The following C12orf42 variants were observed in gnomAD, a reference collection of about 807,000 sequenced individuals.
C12orf42 encodes uncharacterized protein C12orf42.
Under a neutral mutation model 21.6 loss-of-function variants are expected in C12orf42, and 25 were observed. The observed-to-expected ratio is 1.16, with a 90% CI of 0.84 to 1.62. The LOEUF is 1.62. Ranked by LOEUF, C12orf42 falls within the 40% of genes most tolerant of loss-of-function variation. C12orf42 has a pLI of 0.00. For missense variants in C12orf42, 483 were observed against 459.3 expected (o/e 1.05, Z -0.47); for synonymous variants, 174 against 175.0 (o/e 0.99, Z 0.05).
chr12:103,427,212 C>G (rs1479049709), intron 2 of C12orf42, among the ~76,000 whole-genome samples: 1 of 150,870 alleles, frequency 6.6e-6, no homozygotes, highest in Non-Finnish European at 1.5e-5. Flanking sequence ...TTCAGAAACC[C>G]ATCTCACATG....
At chr12:103,546,091 G>GA in the C12orf42 span, among the ~76,000 whole-genome samples, 22 of 152,280 alleles carry the variant, frequency 1.4e-4, no homozygotes, top group African/African-American at 4.6e-4. Flanking sequence ...GTATCCTAGG[G>GA]AGATCTGATT....
upstream of C12orf42, among the ~76,000 whole-genome samples, chr12:103,498,346 T>C (rs1339023502): frequency 6.6e-6 from 1 of 152,218 alleles, no homozygotes; most frequent in African/African-American, 2.4e-5. Flanking sequence ...GCTCAATAAA[T>C]CGTTGTTGGA....
upstream of C12orf42, among the ~76,000 whole-genome samples, chr12:103,497,377 T>C (rs933096342): frequency 2.6e-5 from 4 of 152,340 alleles, no homozygotes; most frequent in Middle Eastern, 3.4e-3. Context: ...CATAGAATCA[T>C]GGCATCATTC....
the C12orf42 span, among the ~76,000 whole-genome samples, chr12:103,217,639 T>C: frequency 6.6e-6 from 1 of 152,284 alleles, no homozygotes; most frequent in South Asian, 2.1e-4. Context: ...CTCCCCATGC[T>C]GTGCCGGCTA....
At chr12:103,348,339 A>T (rs1414825065) in intron 4 of C12orf42, among the ~76,000 whole-genome samples, 1 of 152,206 alleles carries the variant, frequency 6.6e-6, no homozygotes, top group Non-Finnish European at 1.5e-5. Context: ...GACAAGGAAG[A>T]TCCTACCTTA....
At chr12:103,284,113 T>C (rs1486905180) in intron 4 of C12orf42, among the ~76,000 whole-genome samples, 1 of 152,186 alleles carries the variant, frequency 6.6e-6, no homozygotes, top group Non-Finnish European at 1.5e-5. Flanking sequence ...GTGTGACACC[T>C]GAGTGCTCCT....
chr12:103,303,658 A>G (rs765628330), intron 5 of C12orf42, among the ~76,000 whole-genome samples: 1 of 152,226 alleles, frequency 6.6e-6, no homozygotes, highest in Admixed American at 6.5e-5. Context: ...AGTTTAGTTC[A>G]TCGAACTCTG....
At chr12:103,394,536 T>C (rs2047350285) in intron 3 of C12orf42, among the ~76,000 whole-genome samples, 1 of 152,246 alleles carries the variant, frequency 6.6e-6, no homozygotes, top group Non-Finnish European at 1.5e-5. Flanking sequence ...ATGCTAATAA[T>C]TTAAAATACG....
At chr12:103,412,368 A>C (rs1007543932) in intron 2 of C12orf42, among the ~76,000 whole-genome samples, 2 of 152,324 alleles carry the variant, frequency 1.3e-5, no homozygotes, top group Non-Finnish European at 1.5e-5. Context: ...GGTAAACTGG[A>C]ATAAAATTTG....
At chr12:103,435,684 G>A (rs1399074277) in intron 2 of C12orf42, among the ~76,000 whole-genome samples, 2 of 151,416 alleles carry the variant, frequency 1.3e-5, no homozygotes, top group Non-Finnish European at 1.5e-5. Flanking sequence ...AATGAAGCGA[G>A]AAGGGAAGTT....
intron 2 of C12orf42, among the ~76,000 whole-genome samples, chr12:103,455,297 T>C (rs1020846431): frequency 6.6e-6 from 1 of 152,162 alleles, no homozygotes; most frequent in Non-Finnish European, 1.5e-5. Flanking sequence ...TGAATTAATC[T>C]GAGATTTGTA....
intron 4 of C12orf42, among the ~76,000 whole-genome samples, chr12:103,290,215 C>T (rs940547942): frequency 2.0e-5 from 3 of 152,156 alleles, no homozygotes; most frequent in African/African-American, 4.8e-5. Context: ...CCTGTCAAAA[C>T]GTCTGTCATC....
intron 3 of C12orf42, among the ~76,000 whole-genome samples, chr12:103,372,688 TC>T (rs2045359598): frequency 2.0e-5 from 3 of 152,080 alleles, no homozygotes; most frequent in African/African-American, 7.2e-5. Context: ...TCTCTTGCCC[TC>T]AACCCCATCT....
chr12:103,419,410 T>C (rs1360691132), intron 2 of C12orf42, among the ~76,000 whole-genome samples: 2 of 152,112 alleles, frequency 1.3e-5, no homozygotes, highest in African/African-American at 4.8e-5. Context: ...CAGGTGGAAG[T>C]TGTTATGGGA....
At chr12:103,212,348 G>A in the C12orf42 span, among the ~76,000 whole-genome samples, 1 of 152,108 alleles carries the variant, frequency 6.6e-6, no homozygotes, top group African/African-American at 2.4e-5. Context: ...TAATGTATTT[G>A]TTTCCTCTTT....
At chr12:103,492,162 T>C (rs992694654) in intron 1 of C12orf42, among the ~76,000 whole-genome samples, 1 of 152,204 alleles carries the variant, frequency 6.6e-6, no homozygotes, top group South Asian at 2.1e-4. Context: ...TTCACCCTGT[T>C]AGCCAGGCTG....
chr12:103,146,529 A>AAAAG, the C12orf42 span, among the ~76,000 whole-genome samples: 15 of 144,888 alleles, frequency 1.0e-4, 1 homozygote, highest in Admixed American at 4.3e-4. Flanking sequence ...AGAAAGAAAG[A>AAAAG]AAAGAAAGAA....
At chr12:103,173,467 C>T in the C12orf42 span, among the ~76,000 whole-genome samples, 4,320 of 152,164 alleles carry the variant, frequency 0.028, 95 homozygotes, top group Non-Finnish European at 0.045. Context: ...CTGGTGTTAT[C>T]TGAGGAATCT....
chr12:103,538,069 T>C, the C12orf42 span, among the ~76,000 whole-genome samples: 1 of 152,210 alleles, frequency 6.6e-6, no homozygotes, highest in Non-Finnish European at 1.5e-5. Context: ...CTTAGAAGTA[T>C]TTAGTAGATT....
Sources: gnomAD v4.1 joint callset for allele counts (sites outside exome capture counted in the v4.1 genomes callset) on GRCh38, gnomAD v4.1.1 for gene constraint, MANE v1.5 for transcripts, NCBI Gene and HGNC (gene_info 2026-07-23, HGNC 2026-07-21) for gene names.